Variants in MAP2K5 observed in about 807,000 individuals in gnomAD.
MAP2K5 encodes dual specificity mitogen-activated protein kinase kinase 5.
Under a neutral mutation model 83.1 loss-of-function variants are expected in MAP2K5, and 49 were observed. That is an observed-to-expected ratio of 0.59 (90% CI 0.47 to 0.75). The LOEUF is 0.75. MAP2K5 is among the 30% of genes least tolerant of loss of function. MAP2K5 has a pLI of 0.00. For synonymous variants in MAP2K5, 202 were observed against 191.8 expected (o/e 1.05, Z -0.44); for missense variants, 457 against 557.5 (o/e 0.82, Z 1.82).
chr15:67,688,414 G>A (rs1375144649), intron 13 of MAP2K5, among the ~76,000 whole-genome samples: 4 of 152,208 alleles, frequency 2.6e-5, no homozygotes, highest in Admixed American at 1.3e-4. Flanking sequence ...AGGGAAACCA[G>A]CTTAGTAGCA....
At chr15:67,624,267 A>T (rs1021267164) in intron 8 of MAP2K5, among the ~76,000 whole-genome samples, 8 of 147,190 alleles carry the variant, frequency 5.4e-5, no homozygotes, top group Non-Finnish European at 8.9e-5. Context: ...TGAACCCGGG[A>T]AGCGGAGCTG....
intron 16 of MAP2K5, among the ~76,000 whole-genome samples, chr15:67,710,590 G>A (rs188942191): frequency 3.7e-5 from 5 of 136,456 alleles, no homozygotes; most frequent in East Asian, 2.4e-4. Context: ...TGCAACCTCC[G>A]CCTCCCAGGT....
intron 13 of MAP2K5, among the ~76,000 whole-genome samples, chr15:67,687,312 T>C (rs925178487): frequency 1.3e-5 from 2 of 152,210 alleles, no homozygotes; most frequent in Admixed American, 1.3e-4. Context: ...GCTGTATTTT[T>C]TAAATATGCA....
At chr15:67,627,098 A>G (rs1479297592) in intron 8 of MAP2K5, among the ~76,000 whole-genome samples, 3 of 152,004 alleles carry the variant, frequency 2.0e-5, no homozygotes, top group African/African-American at 7.2e-5. Context: ...ACAGGCACGC[A>G]CCACGATGCC....
Position 67,783,794 on chromosome 15 carries a change from G to A in MAP2K5, c.1242+11042G>A, listed in dbSNP as rs1291929795. On this transcript the variant is annotated intron_variant, in intron 21 of 21. Transcript: ENST00000178640. The surrounding 1 kb of genome is among the most constrained non-coding windows in gnomAD (Gnocchi z 5.1). ...GGGTATCTGGGGAGGCTTTGAGAATGGAGTGACAGGTGAGCTGGGACCCAC... is the reference window on the plus strand; with the variant it reads ...GGGTATCTGGGGAGGCTTTGAGAATAGAGTGACAGGTGAGCTGGGACCCAC... Among the ~76,000 whole-genome samples, 1 of 152,182 alleles carries A rather than the reference G, an allele frequency of 6.6e-6. No individual in the cohort carries two copies. The highest frequency in any genetic ancestry group is 1.5e-5 in the Non-Finnish European group (1 of 68,036).
In MAP2K5 at chr15:67,787,771, T is replaced by C. The variant is rs2141327171; in HGVS notation, c.1242+15019T>C. Among the ~76,000 whole-genome samples the C allele has an allele frequency of 2.0e-5, 3 of 152,360 alleles. No individual in the cohort carries two copies. In the South Asian group the frequency reaches 6.2e-4, roughly 32 times the overall value. On this transcript the variant is annotated intron_variant, in intron 21 of 21. Transcript: ENST00000178640. ...GTGATTAATGTATGCAAAATTTAAA[T>C]GAGATTTTTTAAATGGCAAATCTAA...
At position 67,752,906 on chromosome 15, in the gene MAP2K5, A is replaced by G. The variant is rs2089754405; in HGVS notation, c.1134+4305A>G. Among the ~76,000 whole-genome samples the G allele has an allele frequency of 2.0e-5, 3 of 152,312 alleles. No homozygotes were observed. In the South Asian group the frequency reaches 6.2e-4, roughly 32 times the overall value. On this transcript the variant is annotated intron_variant, in intron 19 of 21. Coordinates refer to ENST00000178640, the MANE Select transcript of MAP2K5 (RefSeq NM_145160.3). Reference sequence around the variant, plus strand: ...AGCCAAAACAATCATTGAAAAAAAAAAAAAGAAAACAATGTTGCAAGATTT... The same window carrying G: ...AGCCAAAACAATCATTGAAAAAAAAGAAAAGAAAACAATGTTGCAAGATTT...
Position 67,770,499 on chromosome 15 carries a change from A to G in MAP2K5, c.1196+836A>G, listed in dbSNP as rs2090121591. ...CAGGAACATAGGAATCATTGTCCTC[A>G]AAGCAGGAGACAAAACCAACCGCAA... On this transcript the variant is annotated intron_variant, in intron 20 of 21. Transcript: ENST00000178640. The surrounding 1 kb of genome is among the most constrained non-coding windows in gnomAD (Gnocchi z 5.0). 6.6e-6 allele frequency among the ~76,000 whole-genome samples: 1 copy of G among 152,204 alleles called. No homozygotes were observed. Among genetic ancestry groups the G allele is most frequent in the African/African-American group, 2.4e-5 (1 of 41,436 alleles).
At chr15:67,544,911 T>C (rs1439546834) in intron 1 of MAP2K5, among the ~76,000 whole-genome samples, 1 of 152,204 alleles carries the variant, frequency 6.6e-6, no homozygotes, top group Non-Finnish European at 1.5e-5. Context: ...TCTCTTTGTA[T>C]CCGGAGTTCT....
At chr15:67,675,697 A>C (rs2141174697) in intron 13 of MAP2K5, among the ~76,000 whole-genome samples, 1 of 152,318 alleles carries the variant, frequency 6.6e-6, no homozygotes, top group African/African-American at 2.4e-5. Flanking sequence ...AGCTTAATGT[A>C]AACAACAAAA....
chr15:67,679,429 A>G (rs1224236398), intron 13 of MAP2K5, among the ~76,000 whole-genome samples: 1 of 152,158 alleles, frequency 6.6e-6, no homozygotes, highest in Non-Finnish European at 1.5e-5. Context: ...CAGAGCAGCT[A>G]CTTGCGGTTA....
At chr15:67,753,304 G>C (rs1253956754) in intron 19 of MAP2K5, among the ~76,000 whole-genome samples, 1 of 152,132 alleles carries the variant, frequency 6.6e-6, no homozygotes, top group East Asian at 1.9e-4. Context: ...TCTTAGCTAT[G>C]ACACCAAGAG....
At position 67,698,140 on chromosome 15, in the gene MAP2K5, G is replaced by C. The variant is rs973643901; in HGVS notation, c.972+4572G>C. ...GATTTTATCCATAAGAATTATAAAA[G>C]GGGTCTGGAAACTTGGAGCTTATAT... is the stretch of plus-strand genomic sequence containing the variant. On this transcript the variant is annotated intron_variant, in intron 15 of 21. Transcript: ENST00000178640. This position sits in a 1 kb window ranked among gnomAD's most constrained non-coding sequence, Gnocchi z 4.5. 6.6e-6 allele frequency among the ~76,000 whole-genome samples: 1 copy of C among 152,032 alleles called. No homozygotes were observed. The highest frequency in any genetic ancestry group is 2.4e-5 in the African/African-American group (1 of 41,404).
At chr15:67,650,889 T>C (rs1427312020) in intron 11 of MAP2K5, among the ~76,000 whole-genome samples, 2 of 152,104 alleles carry the variant, frequency 1.3e-5, no homozygotes, top group Non-Finnish European at 2.9e-5. Context: ...TTTGAAAGAG[T>C]TTATGAAGGA....
chr15:67,547,405 T>C (rs1369434052), intron 1 of MAP2K5, among the ~76,000 whole-genome samples: 1 of 151,870 alleles, frequency 6.6e-6, no homozygotes, highest in East Asian at 1.9e-4. Context: ...AGAAGAAAAG[T>C]ATCAAAAAAT....
At position 67,755,836 on chromosome 15, in the gene MAP2K5, A is replaced by T. The variant is rs956248486; in HGVS notation, c.1134+7235A>T. Among the ~76,000 whole-genome samples, 6 of 152,184 alleles carry T rather than the reference A, an allele frequency of 3.9e-5. No individual in the cohort carries two copies. Among genetic ancestry groups the T allele is most frequent in the Non-Finnish European group, 7.4e-5 (5 of 68,024 alleles). Reference sequence around the variant, plus strand: ...TGAATTCAGGGCTTTTTGCCAAGAAAGTCTGTTTCCATCTTAAGCAAATCC... The same window carrying T: ...TGAATTCAGGGCTTTTTGCCAAGAATGTCTGTTTCCATCTTAAGCAAATCC... On this transcript the variant is annotated intron_variant, in intron 19 of 21. Coordinates refer to ENST00000178640, the MANE Select transcript of MAP2K5 (RefSeq NM_145160.3). The surrounding 1 kb of genome is among the most constrained non-coding windows in gnomAD (Gnocchi z 4.7).
rs181027273 is a variant in MAP2K5, at chr15:67,668,055, G to C, written c.847+3410G>C. On this transcript the variant is annotated intron_variant, in intron 13 of 21. Transcript: ENST00000178640. This position sits in a 1 kb window ranked among gnomAD's most constrained non-coding sequence, Gnocchi z 4.0. The stretch of plus-strand genomic sequence containing the variant: ...TTGTTTTGGAAATTGAAGCACAGCA[G>C]TTGCTATTCATAATGGATCATCAAA... 2.8e-3 allele frequency among the ~76,000 whole-genome samples: 423 copies of C among 152,298 alleles called. 1 individual carries two copies. Among genetic ancestry groups the C allele is most frequent in the Admixed American group, 7.3e-3 (112 of 15,288 alleles).
chr15:67,725,779 A>G (rs2089078052), intron 16 of MAP2K5, among the ~76,000 whole-genome samples: 1 of 152,236 alleles, frequency 6.6e-6, no homozygotes, highest in Non-Finnish European at 1.5e-5. Context: ...GCAAATGCCT[A>G]GTTCACCCAC....
At chr15:67,568,716 T>C (rs1390379940) in intron 3 of MAP2K5, among the ~76,000 whole-genome samples, 2 of 152,036 alleles carry the variant, frequency 1.3e-5, no homozygotes, top group African/African-American at 2.4e-5. Flanking sequence ...ATGTAAAAAA[T>C]ACTCTGTTGG....
Sources: allele counts gnomAD v4.1 joint callset (sites outside exome capture counted in the v4.1 genomes callset), GRCh38; gene constraint gnomAD v4.1.1; non-coding constraint Gnocchi (gnomAD v3.1); transcripts MANE v1.5; gene names NCBI Gene and HGNC (gene_info 2026-07-23, HGNC 2026-07-21).